Variants in NOA1 observed in about 807,000 individuals in gnomAD.
NOA1 encodes the protein nitric oxide-associated protein 1.
In NOA1, 35 loss-of-function variants were observed where a neutral mutation model predicts 58.4. The ratio of observed to expected loss-of-function variants is 0.60; its 90% CI spans 0.46 to 0.79. The LOEUF (loss-of-function observed/expected upper bound fraction) is 0.79. NOA1 is among the 30% of genes least tolerant of loss of function. The pLI is 0.00. For missense variants in NOA1, 895 were observed against 894.6 expected (o/e 1.00, Z -0.01); for synonymous variants, 397 against 373.4 (o/e 1.06, Z -0.73).
rs746587961 is a variant in NOA1, at chr4:56,976,459, G to A, written c.1127C>T (p.Thr376Ile). The change falls in exon 1 of 7, where the codon ACC becomes ATC. Residue 376 changes from threonine to isoleucine, a missense_variant. By Grantham distance (89) the Thr-to-Ile change is moderately conservative. Coordinates refer to ENST00000264230, the MANE Select transcript of NOA1 (RefSeq NM_032313.4). The part of the protein sequence containing the change: ...AKGSEAIDRA[T>I]ISPWPGTTLN... ...AAACTCACCTGGCCAAGGGGAGATGGTGGCTCTGTCGATGGCCTCGGAGCC... is the reference window on the plus strand; with the variant it reads ...AAACTCACCTGGCCAAGGGGAGATGATGGCTCTGTCGATGGCCTCGGAGCC... 4 of 1,613,138 alleles carry A rather than the reference G, an allele frequency of 2.5e-6. No homozygotes were observed. The highest frequency in any genetic ancestry group is 1.7e-5 in the Admixed American group (1 of 59,990).
intron 5 of NOA1, 125 bp from the exon 6 acceptor site, chr4:56,964,651 T>A: frequency 9.1e-7 from 1 of 1,102,606 alleles, no homozygotes; most frequent in Non-Finnish European, 1.3e-6. Context: ...AATATTCAAC[T>A]GTTGAAAAGA....
At chr4:56,964,738 C>G (rs1578536148) in intron 5 of NOA1, among the ~76,000 whole-genome samples, 2 of 152,168 alleles carry the variant, frequency 1.3e-5, no homozygotes, top group African/African-American at 4.8e-5. Flanking sequence ...TCTCAGGGCT[C>G]TGGGCCACAC....
intron 2 of NOA1, 128 bp downstream of exon 2, chr4:56,973,730 T>G: frequency 1.1e-6 from 1 of 895,360 alleles, no homozygotes; most frequent in Non-Finnish European, 1.7e-6. Context: ...AGGGCCTCTT[T>G]GTTGCAGAAT....
chr4:56,977,427 A>T lies in NOA1; in HGVS notation c.159T>A (p.Pro53=). 1 of 1,614,162 alleles carries T rather than the reference A, an allele frequency of 6.2e-7. No homozygotes were observed. Among genetic ancestry groups the T allele is most frequent in the Non-Finnish European group, 8.5e-7 (1 of 1,180,020 alleles). ...AGCCCTCCGTGTCCACGGGGTCATA[A>T]GGAAGCTCGCGTCCCAGACTCGATG... ...QHSSSLGREL[P]YDPVDTEGFG... is the part of the protein sequence containing the mutation. Residue 53 remains proline (P), a synonymous_variant, in exon 1 of 7, where the codon CCT becomes CCA. Transcript: ENST00000264230.
At position 56,976,849 on chromosome 4, in the gene NOA1, A is replaced by C; in HGVS notation, c.737T>G (p.Leu246Arg). The C allele has an allele frequency of 6.2e-7, 1 of 1,613,088 alleles. No individual in the cohort carries two copies. Among genetic ancestry groups the C allele is most frequent in the Non-Finnish European group, 8.5e-7 (1 of 1,179,812 alleles). ...GGGCAGGAGGTCCACTTTGTTTCCC[A>C]GCACGATCAGCTGCTTGGGGCCCAC... is the stretch of plus-strand genomic sequence containing the variant. ...ALVGPKQLIV[L>R]GNKVDLLPQD... Residue 246 changes from leucine to arginine, a missense_variant, in exon 1 of 7, where the codon CTG becomes CGG. Transcript: ENST00000264230.
intron 1 of NOA1, 41 bp downstream of exon 1, chr4:56,976,401 C>T (rs1177160581): frequency 6.4e-7 from 1 of 1,567,766 alleles, no homozygotes; most frequent in Non-Finnish European, 8.7e-7. Context: ...CAGACGTCCA[C>T]CTTGCCAGGA....
intron 5 of NOA1, 69 bp from the exon 6 acceptor site, chr4:56,964,595 A>C: frequency 6.7e-7 from 1 of 1,499,044 alleles, no homozygotes. Context: ...TAAGCAAATC[A>C]CTGATAAGAT....
chr4:56,976,076 G>T (rs1395803334), intron 1 of NOA1, among the ~76,000 whole-genome samples: 2 of 152,056 alleles, frequency 1.3e-5, no homozygotes, highest in East Asian at 3.9e-4. Flanking sequence ...AAAACACAAA[G>T]TTCATTAGGT....
intron 1 of NOA1, 41 bp downstream of exon 1, chr4:56,976,401 C>A: frequency 6.4e-7 from 1 of 1,567,766 alleles, no homozygotes; most frequent in Non-Finnish European, 8.7e-7. Flanking sequence ...CAGACGTCCA[C>A]CTTGCCAGGA....
In NOA1 at chr4:56,976,750, A is replaced by AG. The variant is rs1055808311; in HGVS notation, c.835dup (p.Leu279ProfsTer78). The AG allele has an allele frequency of 1.2e-6, 2 of 1,610,402 alleles. No homozygotes were observed. The highest frequency in any genetic ancestry group is 2.7e-5 in the African/African-American group (2 of 74,884). On this transcript the variant is annotated frameshift_variant, in exon 1 of 7. Coordinates refer to ENST00000264230, the MANE Select transcript of NOA1 (RefSeq NM_032313.4). LOFTEE classifies it high-confidence loss of function. ...CTGTGGCCCTTGGTGGCCAGGGGCC[A>AG]GCAGGAGCCCGGCGCGGGCACAGTC...
chr4:56,967,238 G>A (rs551786843), intron 4 of NOA1, among the ~76,000 whole-genome samples: 7 of 151,784 alleles, frequency 4.6e-5, no homozygotes, highest in African/African-American at 9.7e-5. Flanking sequence ...AAATTAGCTG[G>A]GTGTGGTGAT....
chr4:56,964,678 G>A (rs1295737215), intron 5 of NOA1, 152 bp from the exon 6 acceptor site: 3 of 866,928 alleles, frequency 3.5e-6, no homozygotes, highest in Non-Finnish European at 5.2e-6. Flanking sequence ...AATCACTTCT[G>A]GGGTCAAATG....
chr4:56,966,557 G>T, intron 5 of NOA1, 63 bp downstream of exon 5: 2 of 947,310 alleles, frequency 2.1e-6, no homozygotes, highest in African/African-American at 1.6e-5. Context: ...TTTCTTAACA[G>T]AGCTATGGGA....
In NOA1 at chr4:56,976,572, A is replaced by G; in HGVS notation, c.1014T>C (p.Arg338=). ...TGGCGCCCACTAAGTAGACGTCCCC[A>G]CGGTAGCGCCAGGAGCGCTGAAGGG... ...ISALQRSWRY[R]GDVYLVGATN... The change falls in exon 1 of 7, where the codon CGT becomes CGC. Residue 338 remains arginine (R), a synonymous_variant. Coordinates refer to ENST00000264230, the MANE Select transcript of NOA1 (RefSeq NM_032313.4). 1 of 1,614,202 alleles carries G rather than the reference A, an allele frequency of 6.2e-7. No individual in the cohort carries two copies. Among genetic ancestry groups the G allele is most frequent in the Non-Finnish European group, 8.5e-7 (1 of 1,180,034 alleles).
chr4:56,970,526 C>T (rs984336799), intron 3 of NOA1, among the ~76,000 whole-genome samples: 2 of 151,642 alleles, frequency 1.3e-5, no homozygotes, highest in African/African-American at 4.8e-5. Flanking sequence ...ATGATCTCGG[C>T]TCACTGCAAC....
At chr4:56,973,750 A>C (rs1020021359) in intron 2 of NOA1, 108 bp downstream of exon 2, 2 of 1,043,902 alleles carry the variant, frequency 1.9e-6, no homozygotes, top group Non-Finnish European at 2.9e-6. Context: ...TAAGGAAGGC[A>C]GTCTCTCCCC....
intron 4 of NOA1, among the ~76,000 whole-genome samples, chr4:56,968,037 C>T (rs1241198394): frequency 6.6e-6 from 1 of 151,892 alleles, no homozygotes; most frequent in African/African-American, 2.4e-5. Flanking sequence ...CCTGCCTCAG[C>T]CTCTCTAGTA....
At chr4:56,966,560 C>G (rs1721713366) in intron 5 of NOA1, 60 bp downstream of exon 5, 3 of 982,834 alleles carry the variant, frequency 3.1e-6, no homozygotes, top group African/African-American at 3.2e-5. Context: ...CTTAACAGAG[C>G]TATGGGACCA....
At chr4:56,964,621 T>C in intron 5 of NOA1, 95 bp from the exon 6 acceptor site, 1 of 1,339,236 alleles carries the variant, frequency 7.5e-7, no homozygotes, top group African/African-American at 1.5e-5. Flanking sequence ...TGTACAGGGA[T>C]CAAGAATAAA....
Sources: gnomAD v4.1 joint callset for allele counts (sites outside exome capture counted in the v4.1 genomes callset) on GRCh38, gnomAD v4.1.1 for gene constraint, MANE v1.5 for transcripts, NCBI Gene and HGNC (gene_info 2026-07-23, HGNC 2026-07-21) for gene names.